Variants in UBXN2A observed in about 807,000 individuals in gnomAD.
UBXN2A encodes UBX domain-containing protein 2A.
In UBXN2A, 28 loss-of-function variants were observed where a neutral mutation model predicts 28.4. The ratio of observed to expected loss-of-function variants is 0.99; its 90% CI spans 0.73 to 1.35. The LOEUF is 1.35. Ranked by LOEUF, UBXN2A falls within the 40% of genes most tolerant of loss-of-function variation. UBXN2A has a pLI of 0.00. For synonymous variants in UBXN2A, 97 were observed against 103.6 expected, an observed-to-expected ratio of 0.94 and a Z score of 0.39; for missense variants, 253 against 297.9, an observed-to-expected ratio of 0.85 and a Z score of 1.11.
In UBXN2A at chr2:24,001,671, A is replaced by C. The variant is rs1023135252; in HGVS notation, c.*1804A>C. The C allele has an allele frequency of 1.5e-4, 23 of 151,910 alleles. No individual in the cohort carries two copies. Among genetic ancestry groups the C allele is most frequent in the African/African-American group, 5.5e-4 (23 of 41,528 alleles). 9.4% of individuals were successfully genotyped at this position (151,910 alleles called of 1,614,324 possible). ...TAAATATTAAATTTTTAAAATATTT[A>C]TTTATGGGCCAGGCACGGTGGCTTA... is the stretch of plus-strand genomic sequence containing the variant. On this transcript the variant is annotated 3_prime_UTR_variant, in exon 7 of 7. Coordinates refer to ENST00000309033, the MANE Select transcript of UBXN2A (RefSeq NM_181713.4).
intron 6 of UBXN2A, among the ~76,000 whole-genome samples, chr2:23,996,335 G>A (rs1481820764): frequency 6.6e-6 from 1 of 152,070 alleles, no homozygotes; most frequent in Non-Finnish European, 1.5e-5. Context: ...CTAAAGTGCT[G>A]AGAGTACAGG....
chr2:23,999,105 A>G (rs1708650234), intron 6 of UBXN2A, among the ~76,000 whole-genome samples: 1 of 152,128 alleles, frequency 6.6e-6, no homozygotes, highest in Admixed American at 6.6e-5. Context: ...TGAATGAGAG[A>G]ATTCTTTCTT....
chr2:23,978,286 TC>T (rs1249917338), intron 4 of UBXN2A, among the ~76,000 whole-genome samples: 1 of 152,182 alleles, frequency 6.6e-6, no homozygotes, highest in Non-Finnish European at 1.5e-5. Flanking sequence ...TTTAAAATGG[TC>T]ATGGTAGAAG....
intron 4 of UBXN2A, among the ~76,000 whole-genome samples, chr2:23,978,544 T>G (rs1398840913): frequency 6.6e-6 from 1 of 151,840 alleles, no homozygotes; most frequent in East Asian, 1.9e-4. Context: ...CTTGGGAGGC[T>G]GAGGCAGGAG....
intron 1 of UBXN2A, among the ~76,000 whole-genome samples, chr2:23,956,226 C>G (rs1407226908): frequency 6.6e-6 from 1 of 150,670 alleles, no homozygotes; most frequent in East Asian, 1.9e-4. Context: ...TTGTTTTATT[C>G]AATGGAGCAG....
intron 2 of UBXN2A, among the ~76,000 whole-genome samples, chr2:23,966,005 T>G (rs887380237): frequency 6.6e-6 from 1 of 152,174 alleles, no homozygotes; most frequent in Non-Finnish European, 1.5e-5. Flanking sequence ...ATAAAGCAGT[T>G]CTTAATGCCT....
intron 6 of UBXN2A, among the ~76,000 whole-genome samples, chr2:23,995,433 CA>C (rs1708491536): frequency 6.6e-6 from 1 of 151,918 alleles, no homozygotes; most frequent in Admixed American, 6.6e-5. Context: ...GTTGAAAATG[CA>C]TTTACCCAGC....
intron 1 of UBXN2A, among the ~76,000 whole-genome samples, chr2:23,952,753 A>T (rs1454978348): frequency 6.6e-6 from 1 of 151,926 alleles, no homozygotes; most frequent in Non-Finnish European, 1.5e-5. Context: ...AAATTTTTGT[A>T]TTTTTTGTAG....
intron 6 of UBXN2A, 104 bp from the exon 7 acceptor site, chr2:23,999,568 C>T (rs1052377326): frequency 3.2e-6 from 4 of 1,267,612 alleles, no homozygotes; most frequent in Non-Finnish European, 4.4e-6. Context: ...AAGACGCTAT[C>T]TCTAATAATA....
At chr2:23,940,313 A>G (rs1200225878), upstream of UBXN2A, 4 of 151,918 alleles carry the variant, frequency 2.6e-5, no homozygotes, top group African/African-American at 9.7e-5. Flanking sequence ...GAAGGCAGCT[A>G]GCCGCCGGGC....
chr2:23,959,854 A>C (rs1243805691), intron 2 of UBXN2A, among the ~76,000 whole-genome samples: 1 of 152,156 alleles, frequency 6.6e-6, no homozygotes, highest in Non-Finnish European at 1.5e-5. Context: ...ATTTCAGGCT[A>C]TCATAAGGAA....
At chr2:23,976,125 C>T (rs1707653094) in intron 3 of UBXN2A, among the ~76,000 whole-genome samples, 1 of 152,178 alleles carries the variant, frequency 6.6e-6, no homozygotes, top group Non-Finnish European at 1.5e-5. Context: ...TCTTCCCATT[C>T]TTCTAACATA....
rs1182589697 is a variant in UBXN2A, at chr2:24,004,800, AAT to A, written c.*4936_*4937del. On this transcript the variant is annotated 3_prime_UTR_variant, in exon 7 of 7. Transcript: ENST00000309033. ...TTTCATGACATTTCAGCATGTTGAT[AAT>A]ATGTGTGCATCTATTTCAGTGCCTT... 5 of 152,370 alleles carry A rather than the reference AAT, an allele frequency of 3.3e-5. No homozygotes were observed. The highest frequency in any genetic ancestry group is 1.2e-4 in the African/African-American group (5 of 41,594). 9.4% of individuals were successfully genotyped at this position (152,370 alleles called of 1,614,324 possible). A position where few individuals can be genotyped will look rare whatever the true frequency, so the allele number is the denominator to read the frequency against.
chr2:23,964,159 A>G (rs1707061063), intron 2 of UBXN2A, among the ~76,000 whole-genome samples: 1 of 151,760 alleles, frequency 6.6e-6, no homozygotes, highest in African/African-American at 2.4e-5. Context: ...AATCTCGAAA[A>G]GAGATGAATG....
Position 24,000,156 on chromosome 2 carries a change from A to G in UBXN2A, c.*289A>G. 2 of 322,060 alleles carry G rather than the reference A, an allele frequency of 6.2e-6. No homozygotes were observed. The highest frequency in any genetic ancestry group is 5.7e-6 in the Non-Finnish European group (1 of 176,446). 20.0% of individuals were successfully genotyped at this position (322,060 alleles called of 1,614,324 possible). A position where few individuals can be genotyped will look rare whatever the true frequency, so the allele number is the denominator to read the frequency against. ...TAGCTGTATTGTTTAGAATCTTAAT[A>G]TGGTATAAATTAGCATATGTATTCA... is the stretch of plus-strand genomic sequence containing the variant. On this transcript the variant is annotated 3_prime_UTR_variant, in exon 7 of 7. Transcript: ENST00000309033.
intron 1 of UBXN2A, among the ~76,000 whole-genome samples, chr2:23,952,374 C>T (rs1188356391): frequency 2.0e-5 from 3 of 152,158 alleles, no homozygotes; most frequent in African/African-American, 7.2e-5. Context: ...AGCGATCATC[C>T]CATCTCAGCC....
intron 2 of UBXN2A, among the ~76,000 whole-genome samples, chr2:23,960,856 A>G (rs188549423): frequency 6.6e-6 from 1 of 152,216 alleles, no homozygotes; most frequent in African/African-American, 2.4e-5. Flanking sequence ...TCTGGTCTCA[A>G]ACTCCTAACC....
chr2:23,930,165 G>A (rs1573515272), intron 1 of UBXN2A, among the ~76,000 whole-genome samples: 1 of 152,308 alleles, frequency 6.6e-6, no homozygotes, highest in East Asian at 1.9e-4. Context: ...TGGGATTACA[G>A]GTGTGAGCCA....
At chr2:23,968,365 G>A (rs1484467663) in intron 2 of UBXN2A, among the ~76,000 whole-genome samples, 3 of 152,050 alleles carry the variant, frequency 2.0e-5, no homozygotes, top group African/African-American at 7.2e-5. Context: ...AGACAGAGTG[G>A]CAGCATGGTT....
Sources: gnomAD v4.1 joint callset for allele counts (sites outside exome capture counted in the v4.1 genomes callset) on GRCh38, gnomAD v4.1.1 for gene constraint, MANE v1.5 for transcripts, NCBI Gene and HGNC (gene_info 2026-07-23, HGNC 2026-07-21) for gene names.